Variants in FAT3 observed in about 807,000 individuals in gnomAD.
FAT3 encodes protocadherin Fat 3.
In FAT3, 95 loss-of-function variants were observed where a neutral mutation model predicts 310.2. That is an observed-to-expected ratio of 0.31 (90% CI 0.26 to 0.36). FAT3 has a LOEUF of 0.36. Ranked by LOEUF, FAT3 falls within the 10% of genes least tolerant of loss-of-function variation. FAT3 has a pLI of 1.00. For synonymous variants in FAT3, 2,314 were observed against 2,192.9 expected (o/e 1.06, Z -1.54); for missense variants, 5,408 against 5,715.6 (o/e 0.95, Z 1.74).
At chr11:92,811,013 C>T (rs996476919) in intron 13 of FAT3, among the ~76,000 whole-genome samples, 14 of 152,218 alleles carry the variant, frequency 9.2e-5, no homozygotes, top group Admixed American at 7.9e-4. Flanking sequence ...TGAAAACAAA[C>T]GTAGAGCCTG....
chr11:92,800,755 C>T lies in FAT3; in HGVS notation c.7742C>T (p.Thr2581Ile). The change falls in exon 10 of 28, where the codon ACA becomes ATA. Residue 2581 changes from threonine to isoleucine, a missense_variant. Coordinates refer to ENST00000525166, the MANE Select transcript of FAT3 (RefSeq NM_001367949.2). ...FVRALDGGGR[T>I]TFCTVRVIVV... ...AGGGCCCTTGATGGTGGAGGGAGAA[C>T]AACTTTCTGCACTGTGAGAGTGATT... The T allele has an allele frequency of 6.2e-7, 1 of 1,613,918 alleles. No homozygotes were observed. Among genetic ancestry groups the T allele is most frequent in the Non-Finnish European group, 8.5e-7 (1 of 1,179,878 alleles).
intron 2 of FAT3, among the ~76,000 whole-genome samples, chr11:92,390,811 G>C (rs1949731270): frequency 6.6e-6 from 1 of 152,288 alleles, no homozygotes; most frequent in South Asian, 2.1e-4. Context: ...AGAGGAGCCT[G>C]AGAGGTCTGG....
intron 2 of FAT3, among the ~76,000 whole-genome samples, chr11:92,405,104 T>C (rs1950108449): frequency 6.6e-6 from 1 of 152,050 alleles, no homozygotes; most frequent in Non-Finnish European, 1.5e-5. Flanking sequence ...GTTGGTTCAT[T>C]TTTTTCTGAA....
chr11:92,291,115 A>ACACACACG (rs1165393556), intron 1 of FAT3, among the ~76,000 whole-genome samples: 1 of 151,052 alleles, frequency 6.6e-6, no homozygotes, highest in African/African-American at 2.4e-5. Flanking sequence ...ACACACACAC[A>ACACACACG]CATGCACGCG....
chr11:92,589,369 C>G (rs991891556), intron 3 of FAT3, among the ~76,000 whole-genome samples: 4 of 152,056 alleles, frequency 2.6e-5, no homozygotes, highest in African/African-American at 4.8e-5. Context: ...CACCACAGAT[C>G]CATGTGTTAT....
intron 3 of FAT3, among the ~76,000 whole-genome samples, chr11:92,665,342 G>A (rs576953489): frequency 6.6e-6 from 1 of 152,280 alleles, no homozygotes; most frequent in Non-Finnish European, 1.5e-5. Flanking sequence ...AATGACTCCA[G>A]TAAAAATAAC....
At position 92,354,119 on chromosome 11, in the gene FAT3, T is replaced by C. The variant is rs1208836057; in HGVS notation, c.2007T>C (p.Ile669=). Residue 669 remains isoleucine (I), a synonymous_variant, in exon 2 of 28, where the codon ATT becomes ATC. Transcript: ENST00000525166. ...ENLADPMSIN[I]SVLHGKVSSK... ...TTGCAGACCCCATGTCTATTAACAT[T>C]TCAGTCCTACATGGGAAAGTGTCTT... 1 of 1,613,694 alleles carries C rather than the reference T, an allele frequency of 6.2e-7. No homozygotes were observed. Among genetic ancestry groups the C allele is most frequent in the African/African-American group, 1.3e-5 (1 of 74,918 alleles).
intron 1 of FAT3, among the ~76,000 whole-genome samples, chr11:92,340,718 T>C (rs1417019584): frequency 2.0e-5 from 3 of 152,212 alleles, no homozygotes; most frequent in Non-Finnish European, 2.9e-5. Flanking sequence ...AGGAATATTC[T>C]GTGGGTAGTC....
intron 2 of FAT3, among the ~76,000 whole-genome samples, chr11:92,386,767 T>C (rs2036895594): frequency 6.6e-6 from 1 of 152,196 alleles, no homozygotes; most frequent in Admixed American, 6.5e-5. Flanking sequence ...TTCCTTGGAA[T>C]GTTCAGCTGA....
At chr11:92,754,884 T>A (rs1453718500) in intron 4 of FAT3, among the ~76,000 whole-genome samples, 1 of 151,220 alleles carries the variant, frequency 6.6e-6, no homozygotes, top group African/African-American at 2.4e-5. Context: ...ATAATAATAA[T>A]AAAGAAGGAA....
At chr11:92,589,606 G>A (rs1305885374) in intron 3 of FAT3, among the ~76,000 whole-genome samples, 3 of 151,982 alleles carry the variant, frequency 2.0e-5, no homozygotes, top group African/African-American at 7.2e-5. Flanking sequence ...GCTCAGCAAA[G>A]TGGATATATC....
At chr11:92,441,949 C>T (rs904389580) in intron 2 of FAT3, among the ~76,000 whole-genome samples, 9 of 151,538 alleles carry the variant, frequency 5.9e-5, no homozygotes, top group African/African-American at 2.2e-4. Flanking sequence ...TCAGCAGACA[C>T]GTTCACGACT....
intron 3 of FAT3, among the ~76,000 whole-genome samples, chr11:92,565,542 C>T (rs1334413992): frequency 6.6e-6 from 1 of 150,946 alleles, no homozygotes; most frequent in East Asian, 1.9e-4. Context: ...TTTTATGAGG[C>T]CAGCATCATC....
intron 4 of FAT3, among the ~76,000 whole-genome samples, chr11:92,724,647 G>A (rs901518245): frequency 1.7e-4 from 26 of 152,088 alleles, no homozygotes; most frequent in Non-Finnish European, 3.7e-4. Context: ...AGATGATTTG[G>A]GTATGTTAAG....
intron 2 of FAT3, among the ~76,000 whole-genome samples, chr11:92,441,237 A>G (rs948907002): frequency 4.0e-5 from 6 of 151,870 alleles, no homozygotes; most frequent in African/African-American, 1.5e-4. Context: ...CTCATCTTAG[A>G]CTCTAGAACT....
At chr11:92,421,754 G>GAGTC (rs1444037537) in intron 2 of FAT3, among the ~76,000 whole-genome samples, 5 of 152,162 alleles carry the variant, frequency 3.3e-5, no homozygotes, top group Non-Finnish European at 7.3e-5. Context: ...CTTGAGGACT[G>GAGTC]AGTCAACTCT....
Position 92,224,919 on chromosome 11 carries a change from C to G in FAT3, c.-273C>G, listed in dbSNP as rs1285330515. On this transcript the variant is annotated 5_prime_UTR_variant, in exon 1 of 28. Transcript: ENST00000525166. ...CTGCGGATTGGGATCTCGCGCCTCC[C>G]GTCCCTCTCCTCCCGCTGCTGTTCT... is the stretch of plus-strand genomic sequence containing the variant. 1.3e-5 allele frequency among the ~76,000 whole-genome samples: 2 copies of G among 152,130 alleles called. No homozygotes were observed. The highest frequency in any genetic ancestry group is 2.9e-5 in the Non-Finnish European group (2 of 68,026).
At chr11:92,622,004 A>G (rs921474197) in intron 3 of FAT3, among the ~76,000 whole-genome samples, 1 of 152,156 alleles carries the variant, frequency 6.6e-6, no homozygotes, top group African/African-American at 2.4e-5. Flanking sequence ...GGGGCTTGTT[A>G]AGTAGGTAGT....
In FAT3 at chr11:92,790,047, G is replaced by A. The variant is rs1292666727; in HGVS notation, c.4440G>A (p.Leu1480=). 6.2e-7 allele frequency: 1 copy of A among 1,613,858 alleles called. No individual in the cohort carries two copies. Among genetic ancestry groups the A allele is most frequent in the Non-Finnish European group, 8.5e-7 (1 of 1,179,772 alleles). ...SEDVLPDTEI[L]QIEATDRDEK... is the part of the protein sequence containing the mutation. Reference sequence around the variant, plus strand: ...ATGTGCTTCCAGACACGGAGATCCTGCAGATTGAAGCCACAGATAGAGATG... The same window carrying A: ...ATGTGCTTCCAGACACGGAGATCCTACAGATTGAAGCCACAGATAGAGATG... The change falls in exon 8 of 28, where the codon CTG becomes CTA. Residue 1480 remains leucine (L), a synonymous_variant. Coordinates refer to ENST00000525166, the MANE Select transcript of FAT3 (RefSeq NM_001367949.2).
Sources: gnomAD v4.1 joint callset for allele counts (sites outside exome capture counted in the v4.1 genomes callset) on GRCh38, gnomAD v4.1.1 for gene constraint, MANE v1.5 for transcripts, NCBI Gene and HGNC (gene_info 2026-07-23, HGNC 2026-07-21) for gene names.